RAD9A: variants seen among roughly 807,000 people sequenced by gnomAD.
RAD9A encodes the protein RAD9 checkpoint clamp component A.
Under a neutral mutation model 41.2 loss-of-function variants are expected in RAD9A, and 25 were observed. The ratio of observed to expected loss-of-function variants is 0.61; its 90% CI spans 0.44 to 0.85. RAD9A has a LOEUF of 0.85. Ranked by LOEUF, RAD9A falls within the 40% of genes least tolerant of loss-of-function variation. The pLI, the probability that RAD9A is intolerant of heterozygous loss-of-function variation, is 0.00. For synonymous variants in RAD9A, 252 were observed against 210.6 expected, an observed-to-expected ratio of 1.20 and a Z score of -1.70; for missense variants, 514 against 518.3, an observed-to-expected ratio of 0.99 and a Z score of 0.08.
chr11:67,395,488 C>G (rs1233451117), intron 5 of RAD9A, among the ~76,000 whole-genome samples: 1 of 152,198 alleles, frequency 6.6e-6, no homozygotes, highest in Non-Finnish European at 1.5e-5. Context: ...AGTGCCACGT[C>G]CTGCCTCTGG....
chr11:67,392,259 T>TTTGGGGGGGGGGGGGGGGTG, intron 2 of RAD9A, 28 bp downstream of exon 2: 1 of 484,302 alleles, frequency 2.1e-6, no homozygotes, highest in Non-Finnish European at 4.1e-6. Context: ...GGGGGGCGGG[T>TTTGGGGGGGGGGGGGGGGTG]GGGACTCCAG....
Position 67,397,328 on chromosome 11 carries a change from C to G in RAD9A, c.1022C>G (p.Ser341Cys), listed in dbSNP as rs1862739076. The change falls in exon 10 of 11, where the codon TCC becomes TGC. Residue 341 changes from serine (S) to cysteine (C), a missense_variant. Around this residue, in one of 3 missense-constraint regions of RAD9A, gnomAD observed 216 missense variants for 184.2 expected, o/e 1.17. Transcript: ENST00000307980. ...CCCCCCAAGAGCCCCGGTCCCCACT[C>G]CGAGGAGGAAGATGAGGCTGAGCCC... ...PQPPKSPGPHSEEEDEAEPST... is the reference protein window; with the variant it reads ...PQPPKSPGPHCEEEDEAEPST... The G allele has an allele frequency of 6.3e-7, 1 of 1,590,832 alleles. No homozygotes were observed. The highest frequency in any genetic ancestry group is 8.6e-7 in the Non-Finnish European group (1 of 1,166,058).
At chr11:67,396,426 C>T (rs1019338723) in intron 9 of RAD9A, 26 bp downstream of exon 9, 26 of 1,611,442 alleles carry the variant, frequency 1.6e-5, no homozygotes, top group Non-Finnish European at 2.0e-5. Context: ...CCCAACTCCT[C>T]CTCTCTCCAT....
chr11:67,395,610 TG>T, intron 5 of RAD9A, 105 bp from the exon 6 acceptor site: 1 of 838,424 alleles, frequency 1.2e-6, no homozygotes, highest in Non-Finnish European at 1.9e-6. Flanking sequence ...GCGCTAGGCC[TG>T]CGCACATCCG....
rs1862539650 is a variant in RAD9A at position 67,392,016 on chromosome 11, G to A, written c.-29G>A. ...CGGAGGTCGCGGAGAGCTGGGCAGT[G>A]TTGGCCGCTGGCGGAGCGCTGGGGC... On this transcript the variant is annotated 5_prime_UTR_variant, in exon 1 of 11. Coordinates refer to ENST00000307980, the MANE Select transcript of RAD9A (RefSeq NM_004584.3). 1.3e-6 allele frequency: 2 copies of A among 1,550,328 alleles called. No homozygotes were observed. The highest frequency in any genetic ancestry group is 1.4e-5 in the African/African-American group (1 of 73,276).
At chr11:67,395,027 C>T (rs1327238348) in intron 5 of RAD9A, among the ~76,000 whole-genome samples, 1 of 148,734 alleles carries the variant, frequency 6.7e-6, no homozygotes. Flanking sequence ...GCAATCTCTG[C>T]CTCCCGGGTT....
In RAD9A at chr11:67,398,207, C is replaced by G; in HGVS notation, c.*648C>G. On this transcript the variant is annotated 3_prime_UTR_variant, in exon 11 of 11. Transcript: ENST00000307980. ...CGAGAATCCAGCTTTGACCTTTATTCAAGAGACCAGATGGGTTGCCCCAGG... is the reference window on the plus strand; with the variant it reads ...CGAGAATCCAGCTTTGACCTTTATTGAAGAGACCAGATGGGTTGCCCCAGG... The G allele has an allele frequency of 2.7e-6, 1 of 373,234 alleles. No homozygotes were observed. Among genetic ancestry groups the G allele is most frequent in the South Asian group, 3.2e-5 (1 of 30,978 alleles). The allele number at this position is 373,234 out of a possible 1,614,324, so 23.1% of individuals were successfully genotyped here.
At chr11:67,396,686 C>G (rs1029115210) in intron 9 of RAD9A, among the ~76,000 whole-genome samples, 1 of 152,096 alleles carries the variant, frequency 6.6e-6, no homozygotes, top group Non-Finnish European at 1.5e-5. Flanking sequence ...CCTCCCAGGC[C>G]AAGGAGGGAA....
chr11:67,393,554 G>A lies in RAD9A; in HGVS notation c.293G>A (p.Cys98Tyr). 1 of 1,614,210 alleles carries A rather than the reference G, an allele frequency of 6.2e-7. No homozygotes were observed. The highest frequency in any genetic ancestry group is 8.5e-7 in the Non-Finnish European group (1 of 1,180,040). The change falls in exon 4 of 11, where the codon TGC becomes TAC. Residue 98 changes from cysteine (C) to tyrosine (Y), a missense_variant. By Grantham distance (194) the Cys-to-Tyr change is radical. This residue lies in a region of RAD9A where 268 missense variants were observed against 279.3 expected (regional missense o/e 0.96). Coordinates refer to ENST00000307980, the MANE Select transcript of RAD9A (RefSeq NM_004584.3). ...AMLEKTVEKCCISLNGRSSRL... is the reference protein window; with the variant it reads ...AMLEKTVEKCYISLNGRSSRL... ...CTGGAGAAGACGGTGGAAAAATGCT[G>A]CATCTCCCTGAATGGCCGGAGCAGC...
intron 5 of RAD9A, among the ~76,000 whole-genome samples, chr11:67,394,062 T>TG (rs966350390): frequency 2.0e-4 from 31 of 152,204 alleles, no homozygotes; most frequent in African/African-American, 7.5e-4. Context: ...CTTGACTTTC[T>TG]GGCTGCTCAA....
intron 9 of RAD9A, 100 bp from the exon 10 acceptor site, chr11:67,397,079 C>T: frequency 1.2e-6 from 1 of 800,312 alleles, no homozygotes; most frequent in Non-Finnish European, 2.1e-6. Flanking sequence ...CAAGAGATCT[C>T]CAGTGGTCGG....
chr11:67,392,262 G>GGGGGGGGGGGGGGGGGGGC, intron 2 of RAD9A, 31 bp downstream of exon 2: 3 of 600,760 alleles, frequency 5.0e-6, no homozygotes, highest in Non-Finnish European at 9.1e-6. Flanking sequence ...GGGCGGGTGG[G>GGGGGGGGGGGGGGGGGGGC]ACTCCAGCCG....
At chr11:67,393,458 A>G in intron 3 of RAD9A, 38 bp from the exon 4 acceptor site, 2 of 1,607,708 alleles carry the variant, frequency 1.2e-6, no homozygotes, top group Non-Finnish European at 1.7e-6. Context: ...CTTGTTGCAG[A>G]GATGTGATGC....
Position 67,393,716 on chromosome 11 carries a change from C to T in RAD9A, c.375C>T (p.Ser125=). The change falls in exon 5 of 11, where the codon TCC becomes TCT. Residue 125 remains serine, a synonymous_variant. Transcript: ENST00000307980. The part of the protein sequence containing the change: ...KFGVRKTHNL[S]FQDCESLQAV... ...GGGTGCGGAAGACTCACAACCTGTC[C>T]TTCCAGGACTGTGAGTCCCTGCAGG... 1.9e-6 allele frequency: 3 copies of T among 1,613,706 alleles called. No homozygotes were observed. The highest frequency in any genetic ancestry group is 2.5e-6 in the Non-Finnish European group (3 of 1,179,822).
chr11:67,396,540 C>A (rs1862704412), intron 9 of RAD9A, 140 bp downstream of exon 9: 1 of 1,112,398 alleles, frequency 9.0e-7, no homozygotes, highest in Non-Finnish European at 1.3e-6. Flanking sequence ...GCCCCTAACC[C>A]TATAGTGCTC....
chr11:67,397,750 A>G lies in RAD9A; in HGVS notation c.*191A>G. ...CCACAGCGGTCGGGCCTGGGCCGTT[A>G]TCTCCCCACAACCCCCAGCCAATCA... On this transcript the variant is annotated 3_prime_UTR_variant, in exon 11 of 11. Transcript: ENST00000307980. 1 of 588,138 alleles carries G rather than the reference A, an allele frequency of 1.7e-6. No individual in the cohort carries two copies. Among genetic ancestry groups the G allele is most frequent in the Non-Finnish European group, 3.0e-6 (1 of 334,946 alleles). 36.4% of individuals were successfully genotyped at this position (588,138 alleles called of 1,614,324 possible).
At chr11:67,393,941 G>T in intron 5 of RAD9A, 151 bp downstream of exon 5, 1 of 697,412 alleles carries the variant, frequency 1.4e-6, no homozygotes. Flanking sequence ...ATGTGCTCAG[G>T]TCCTTACCTG....
Position 67,396,250 on chromosome 11 carries a change from C to A in RAD9A, c.735-13C>A. 6.2e-7 allele frequency: 1 copy of A among 1,614,046 alleles called. No individual in the cohort carries two copies. Among genetic ancestry groups the A allele is most frequent in the Non-Finnish European group, 8.5e-7 (1 of 1,180,004 alleles). ...AATGGGATGACCTAGCTTGGGCCCC[C>A]TCCCCTGCCCAGGCCCGCCATCTTC... On this transcript the variant is annotated splice_polypyrimidine_tract_variant and intron_variant, in intron 8 of 10. Coordinates refer to ENST00000307980, the MANE Select transcript of RAD9A (RefSeq NM_004584.3).
At chr11:67,393,966 G>A (rs1862610759) in intron 5 of RAD9A, among the ~76,000 whole-genome samples, 176 bp downstream of exon 5, 2 of 152,236 alleles carry the variant, frequency 1.3e-5, no homozygotes, top group African/African-American at 2.4e-5. Flanking sequence ...TTTAAAGGCA[G>A]ACGGTGGCAT....
Sources: gnomAD v4.1 joint callset for allele counts (sites outside exome capture counted in the v4.1 genomes callset) on GRCh38, gnomAD v4.1.1 for gene constraint, gnomAD v4.1.1 regional missense constraint, MANE v1.5 for transcripts, NCBI Gene and HGNC (gene_info 2026-07-23, HGNC 2026-07-21) for gene names.